SCML2: variants seen among roughly 807,000 people sequenced by gnomAD.
SCML2 encodes sex comb on midleg-like protein 2.
In SCML2, 6 loss-of-function variants were observed where a neutral mutation model predicts 48.4. The observed-to-expected ratio is 0.12, with a 90% CI of 0.07 to 0.24. SCML2 has a LOEUF of 0.24. Ranked by LOEUF, SCML2 falls within the 10% of genes least tolerant of loss-of-function variation. SCML2 has a pLI of 1.00. For synonymous variants in SCML2, 181 were observed against 189.5 expected, an observed-to-expected ratio of 0.95 and a Z score of 0.37; for missense variants, 377 against 528.2, an observed-to-expected ratio of 0.71 and a Z score of 2.81.
intron 7 of SCML2, among the ~76,000 whole-genome samples, chrX:18,298,441 C>G (rs1000075187): frequency 8.9e-6 from 1 of 111,954 alleles, no homozygotes; most frequent in African/African-American, 3.2e-5. Context: ...ACAGAAAACC[C>G]AGAAATAAGC....
At chrX:18,256,325 G>A (rs949074586) in intron 11 of SCML2, among the ~76,000 whole-genome samples, 1 of 110,998 alleles carries the variant, frequency 9.0e-6, no homozygotes, top group Admixed American at 9.6e-5. Flanking sequence ...GGTGGTGGGC[G>A]CCTGTAATCC....
At chrX:18,348,066 G>C (rs1263406129) in intron 1 of SCML2, among the ~76,000 whole-genome samples, 1 of 112,104 alleles carries the variant, frequency 8.9e-6, no homozygotes, top group Admixed American at 9.6e-5. Flanking sequence ...GAAGAAGTAT[G>C]TCATGTCAGA....
intron 1 of SCML2, among the ~76,000 whole-genome samples, chrX:18,337,111 G>A (rs1240621564): frequency 9.2e-6 from 1 of 109,123 alleles, no homozygotes; most frequent in Non-Finnish European, 1.9e-5. Flanking sequence ...AGACCAGCCT[G>A]GCCAACATGG....
intron 7 of SCML2, among the ~76,000 whole-genome samples, chrX:18,287,818 G>A: frequency 9.0e-6 from 1 of 111,324 alleles, no homozygotes; most frequent in Non-Finnish European, 1.9e-5. Context: ...TAAGAATCTT[G>A]TTTTTAAAAC....
At chrX:18,286,908 A>G (rs1400081700) in intron 7 of SCML2, among the ~76,000 whole-genome samples, 1 of 110,895 alleles carries the variant, frequency 9.0e-6, no homozygotes, top group African/African-American at 3.3e-5. Flanking sequence ...TAAAAATTGT[A>G]CCTGCCTTTT....
At chrX:18,270,699 T>C (rs140350509) in intron 7 of SCML2, among the ~76,000 whole-genome samples, 149 of 110,652 alleles carry the variant, frequency 1.3e-3, no homozygotes, top group Non-Finnish European at 1.8e-3. Context: ...CATACATATA[T>C]ACACACACAC....
chrX:18,282,996 G>GA (rs1222968417), intron 7 of SCML2, among the ~76,000 whole-genome samples: 2 of 109,058 alleles, frequency 1.8e-5, no homozygotes, highest in African/African-American at 3.3e-5. Context: ...ACATGACAAA[G>GA]AAAAAAAAAC....
chrX:18,279,209 C>T (rs1260234620), intron 7 of SCML2, among the ~76,000 whole-genome samples: 1 of 112,837 alleles, frequency 8.9e-6, no homozygotes, highest in Non-Finnish European at 1.9e-5. Flanking sequence ...TAACAACCTA[C>T]AGCTATTACT....
intron 6 of SCML2, among the ~76,000 whole-genome samples, chrX:18,315,769 T>C (rs1929102939): frequency 2.7e-5 from 3 of 112,272 alleles, no homozygotes; most frequent in Admixed American, 1.9e-4. Flanking sequence ...AAACAACTTA[T>C]GTAACCTTCC....
intron 13 of SCML2, among the ~76,000 whole-genome samples, chrX:18,242,917 T>C (rs1926318363): frequency 8.9e-6 from 1 of 112,181 alleles, no homozygotes; most frequent in Non-Finnish European, 1.9e-5. Context: ...TAAAATTAGG[T>C]TAATCTAATC....
chrX:18,344,419 G>T (rs962926517), intron 1 of SCML2, among the ~76,000 whole-genome samples: 1 of 111,802 alleles, frequency 8.9e-6, no homozygotes, highest in African/African-American at 3.3e-5. Flanking sequence ...AAAAGACAAG[G>T]CTCCAATACA....
At chrX:18,290,586 T>C (rs1305563451) in intron 7 of SCML2, among the ~76,000 whole-genome samples, 1 of 111,644 alleles carries the variant, frequency 9.0e-6, no homozygotes, top group Non-Finnish European at 1.9e-5. Flanking sequence ...AGTTAAAAAC[T>C]TTGAACATCC....
chrX:18,322,298 A>C (rs1364496994), intron 5 of SCML2, among the ~76,000 whole-genome samples: 1 of 112,182 alleles, frequency 8.9e-6, no homozygotes, highest in African/African-American at 3.2e-5. Flanking sequence ...AAGTCTAAGA[A>C]TTTTATTAAA....
intron 12 of SCML2, among the ~76,000 whole-genome samples, chrX:18,247,086 G>A (rs1261439371): frequency 1.8e-5 from 2 of 110,860 alleles, no homozygotes; most frequent in African/African-American, 6.6e-5. Context: ...TCCGCCTCCT[G>A]GGTTCAAGCA....
intron 6 of SCML2, among the ~76,000 whole-genome samples, chrX:18,310,782 G>A (rs752631419): frequency 9.1e-6 from 1 of 109,882 alleles, no homozygotes; most frequent in Admixed American, 9.8e-5. Context: ...CCTACAATAT[G>A]GTTCTCCTTA....
chrX:18,327,300 G>A (rs945379136), intron 3 of SCML2, among the ~76,000 whole-genome samples: 1 of 111,112 alleles, frequency 9.0e-6, no homozygotes, highest in Admixed American at 9.6e-5. Flanking sequence ...GAAGGTGGAG[G>A]CGAAGGTTGC....
intron 7 of SCML2, among the ~76,000 whole-genome samples, chrX:18,281,179 T>C (rs1232012662): frequency 8.9e-6 from 1 of 112,608 alleles, no homozygotes; most frequent in Admixed American, 9.4e-5. Flanking sequence ...GCAATAAAAA[T>C]AGAAATCACT....
intron 7 of SCML2, among the ~76,000 whole-genome samples, chrX:18,277,933 G>A (rs1927699628): frequency 2.7e-5 from 3 of 110,543 alleles, no homozygotes; most frequent in Admixed American, 9.6e-5. Flanking sequence ...TTGGGAAGCC[G>A]AGGCGGGAGG....
intron 8 of SCML2, 126 bp downstream of exon 8, chrX:18,265,459 C>G: frequency 3.7e-6 from 2 of 536,036 alleles, no homozygotes; most frequent in East Asian, 6.8e-5. Context: ...CTTTCAAAAG[C>G]CTACATACTC....
Sources: allele counts gnomAD v4.1 joint callset (sites outside exome capture counted in the v4.1 genomes callset), GRCh38; gene constraint gnomAD v4.1.1; transcripts MANE v1.5; gene names NCBI Gene and HGNC (gene_info 2026-07-23, HGNC 2026-07-21).